Variants in RYK observed in about 807,000 individuals in gnomAD.
RYK encodes receptor like tyrosine kinase, also known as inactive tyrosine-protein kinase RYK.
In RYK, 21 loss-of-function variants were observed where a neutral mutation model predicts 70.2. The observed-to-expected ratio is 0.30, with a 90% CI of 0.21 to 0.43. The LOEUF (loss-of-function observed/expected upper bound fraction) is 0.43, where lower values mean the gene tolerates loss of function less well. RYK is among the 20% of genes least tolerant of loss of function. RYK has a pLI of 1.00. For synonymous variants in RYK, 267 were observed against 278.0 expected (o/e 0.96, Z 0.39); for missense variants, 604 against 753.3 (o/e 0.80, Z 2.32).
intron 9 of RYK, among the ~76,000 whole-genome samples, chr3:134,186,930 A>G (rs1358942008): frequency 6.6e-6 from 1 of 152,196 alleles, no homozygotes; most frequent in African/African-American, 2.4e-5. Flanking sequence ...GCTGTTGTTT[A>G]ATAACCTTAT....
chr3:134,232,456 T>C (rs2015090451), intron 1 of RYK, among the ~76,000 whole-genome samples: 1 of 151,310 alleles, frequency 6.6e-6, no homozygotes, highest in Non-Finnish European at 1.5e-5. Context: ...CAAATAAATA[T>C]TTATAAGCTG....
intron 10 of RYK, chr3:134,180,514 TGATA>T (rs1184934873): frequency 6.6e-6 from 1 of 152,232 alleles, no homozygotes; most frequent in African/African-American, 2.4e-5. Context: ...TTCTGTTGCT[TGATA>T]AATTCTATAA....
chr3:134,168,816 A>G (rs1560000470), intron 13 of RYK, among the ~76,000 whole-genome samples: 1 of 152,146 alleles, frequency 6.6e-6, no homozygotes, highest in African/African-American at 2.4e-5. Context: ...CCGTAACTCT[A>G]GCTTTCTCTT....
rs71624038 is a variant in RYK, at chr3:134,249,917, GTTT to G, written c.232+503_232+505del. On this transcript the variant is annotated intron_variant, in intron 1 of 14. Coordinates refer to ENST00000623711, the MANE Select transcript of RYK (RefSeq NM_002958.4). ...TATAACCTCCCCTTCTTTCTCTCTCGTTTTTTTTTTTTTTTTTTTTTTTTTTGT... is the reference window on the plus strand; with the variant it reads ...TATAACCTCCCCTTCTTTCTCTCTCGTTTTTTTTTTTTTTTTTTTTTTTGT... Among the ~76,000 whole-genome samples, 677 of 93,310 alleles carry G rather than the reference GTTT, an allele frequency of 7.3e-3. 15 individuals are homozygous for G. Among genetic ancestry groups the G allele is most frequent in the East Asian group, 0.016 (58 of 3,628 alleles). The allele number at this position is 93,310 out of a possible 152,430, so 61.2% of individuals were successfully genotyped here.
At chr3:134,168,632 AT>A (rs1433095939) in intron 13 of RYK, among the ~76,000 whole-genome samples, 3 of 80,872 alleles carry the variant, frequency 3.7e-5, no homozygotes, top group East Asian at 3.7e-4. Flanking sequence ...GGGTAGGGGG[AT>A]GGGGGAGGGA....
intron 13 of RYK, chr3:134,170,912 C>T: frequency 6.3e-6 from 1 of 158,504 alleles, no homozygotes; most frequent in East Asian, 1.6e-4. Context: ...TAAAAAGCAG[C>T]TTTGCATCAC....
chr3:134,235,496 T>C (rs180684419), intron 1 of RYK, among the ~76,000 whole-genome samples: 1 of 152,200 alleles, frequency 6.6e-6, no homozygotes, highest in African/African-American at 2.4e-5. Flanking sequence ...ACAAATTTAC[T>C]TTTAGAAAAA....
chr3:134,177,089 A>C (rs183646259), intron 11 of RYK, among the ~76,000 whole-genome samples: 1 of 151,706 alleles, frequency 6.6e-6, no homozygotes, highest in East Asian at 1.9e-4. Context: ...AAAAAACCAC[A>C]CACAAACCCA....
At chr3:134,241,258 G>A (rs1241529635) in intron 1 of RYK, among the ~76,000 whole-genome samples, 3 of 150,816 alleles carry the variant, frequency 2.0e-5, no homozygotes, top group Admixed American at 6.6e-5. Flanking sequence ...CCTTAGGCAC[G>A]ACAATCGCTT....
At chr3:134,173,279 CA>C (rs370721110) in intron 13 of RYK, among the ~76,000 whole-genome samples, 144 of 125,740 alleles carry the variant, frequency 1.1e-3, no homozygotes, top group Middle Eastern at 8.8e-3. Flanking sequence ...GACTCTGTCT[CA>C]AAAAAAAAAA....
chr3:134,196,499 T>C (rs1430216060), intron 6 of RYK, among the ~76,000 whole-genome samples: 1 of 151,978 alleles, frequency 6.6e-6, no homozygotes, highest in Non-Finnish European at 1.5e-5. Flanking sequence ...TGCAGCTATT[T>C]GGAAGGCTGT....
intron 5 of RYK, 85 bp downstream of exon 5, chr3:134,207,387 C>T: frequency 1.2e-6 from 1 of 811,676 alleles, no homozygotes; most frequent in Non-Finnish European, 1.9e-6. Flanking sequence ...ACCATGAGGC[C>T]TCCAAGCTTC....
At chr3:134,180,960 G>A (rs1308908255) in intron 10 of RYK, 1 of 152,068 alleles carries the variant, frequency 6.6e-6, no homozygotes, top group Non-Finnish European at 1.5e-5. Flanking sequence ...CATCCTGATG[G>A]GATGCTGCAA....
intron 2 of RYK, among the ~76,000 whole-genome samples, chr3:134,222,036 T>C: frequency 6.6e-6 from 1 of 152,156 alleles, no homozygotes; most frequent in Admixed American, 6.5e-5. Context: ...ATCCATTCTG[T>C]CCAACATGTC....
chr3:134,240,351 A>G (rs1044347324), intron 1 of RYK, among the ~76,000 whole-genome samples: 2 of 152,190 alleles, frequency 1.3e-5, no homozygotes, highest in African/African-American at 4.8e-5. Context: ...GATGACGGGT[A>G]TACAGAGATT....
chr3:134,161,918 T>A (rs1201803782), intron 13 of RYK, among the ~76,000 whole-genome samples: 2 of 151,198 alleles, frequency 1.3e-5, no homozygotes, highest in Admixed American at 1.3e-4. Context: ...CCCACTGCTC[T>A]GATAGCTAGA....
At chr3:134,202,185 A>C (rs905146898) in intron 6 of RYK, among the ~76,000 whole-genome samples, 1 of 152,236 alleles carries the variant, frequency 6.6e-6, no homozygotes, top group East Asian at 1.9e-4. Flanking sequence ...AGAATCATCC[A>C]GGAAGCTTTA....
chr3:134,204,324 T>A (rs1239045745), intron 5 of RYK, among the ~76,000 whole-genome samples: 1 of 151,316 alleles, frequency 6.6e-6, no homozygotes, highest in African/African-American at 2.4e-5. Flanking sequence ...TGAAACCCCA[T>A]CTCTACTGAA....
At chr3:134,159,604 G>A (rs1296896068) in intron 13 of RYK, among the ~76,000 whole-genome samples, 1 of 152,344 alleles carries the variant, frequency 6.6e-6, no homozygotes, top group East Asian at 1.9e-4. Context: ...TCCATTGGAA[G>A]TAATAGTTTA....
Sources: allele counts gnomAD v4.1 joint callset (sites outside exome capture counted in the v4.1 genomes callset), GRCh38; gene constraint gnomAD v4.1.1; transcripts MANE v1.5; gene names NCBI Gene and HGNC (gene_info 2026-07-23, HGNC 2026-07-21).